Variants in NADK2 observed in about 807,000 individuals in gnomAD.
NADK2 encodes the protein NAD kinase domain-containing protein 1, mitochondrial.
A neutral mutation model predicts 62.1 loss-of-function variants in NADK2; 35 were observed. The ratio of observed to expected loss-of-function variants is 0.56; its 90% confidence interval spans 0.43 to 0.75. NADK2 has a LOEUF of 0.75. NADK2 is among the 30% of genes least tolerant of loss of function. The pLI is 0.00. For synonymous variants in NADK2, 205 were observed against 207.9 expected, an observed-to-expected ratio of 0.99 and a Z score of 0.12; for missense variants, 439 against 561.3, an observed-to-expected ratio of 0.78 and a Z score of 2.20.
intron 3 of NADK2, 66 bp from the exon 4 acceptor site, chr5:36,225,689 T>A: frequency 6.7e-7 from 1 of 1,492,364 alleles, no homozygotes; most frequent in Non-Finnish European, 9.3e-7. Context: ...TTTTTGGCCA[T>A]TTTGAAAATC....
rs756013479 is a variant in NADK2, at chr5:36,227,471, A to G, written c.389+6T>C. 6.1e-6 allele frequency: 9 copies of G among 1,471,508 alleles called. No homozygotes were observed. In the Admixed American group the frequency reaches 1.9e-4, roughly 32 times the overall value. The allele number at this position is 1,471,508 out of a possible 1,614,324, so 91.2% of individuals were successfully genotyped here. A position where few individuals can be genotyped will look rare whatever the true frequency, so the allele number is the denominator to read the frequency against. On this transcript the variant is annotated splice_donor_region_variant and intron_variant, in intron 2 of 11. Coordinates refer to ENST00000381937, the MANE Select transcript of NADK2 (RefSeq NM_001085411.3). ...TCCAACCCAAGACCCAATCCCATAG[A>G]CTTACCGTAAACTATCTATAATATG...
intron 4 of NADK2, among the ~76,000 whole-genome samples, chr5:36,223,640 G>A (rs1209489612): frequency 6.6e-6 from 1 of 152,110 alleles, no homozygotes; most frequent in Non-Finnish European, 1.5e-5. Flanking sequence ...GGTAAGACAA[G>A]GACTAAAATA....
Position 36,241,715 on chromosome 5 carries a change from C to T in NADK2, c.84G>A (p.Ala28=). The change falls in exon 1 of 12, where the codon GCG becomes GCA. Residue 28 remains alanine (A), a synonymous_variant. Transcript: ENST00000381937. This position sits in a 1 kb window ranked among gnomAD's most constrained non-coding sequence, Gnocchi z 4.9. The part of the protein sequence containing the change: ...GRAAALRGPG[A]GGPAARPRLG... ...GCCGGGGCCGCGCGGCGGGGCCTCC[C>T]GCACCCGGTCCCCGCAGCGCCGCCG... The T allele has an allele frequency of 7.7e-6, 9 of 1,161,702 alleles. No homozygotes were observed. The highest frequency in any genetic ancestry group is 9.5e-6 in the Non-Finnish European group (9 of 946,444). 72.0% of individuals were successfully genotyped at this position (1,161,702 alleles called of 1,614,324 possible).
intron 1 of NADK2, among the ~76,000 whole-genome samples, chr5:36,230,336 T>C (rs898887943): frequency 6.6e-5 from 10 of 152,224 alleles, no homozygotes; most frequent in African/African-American, 2.4e-4. Context: ...AACCCTGGGG[T>C]GCCAGGACTG....
rs1041804637 is a variant in NADK2 at position 36,241,186 on chromosome 5, A to C, written c.300+313T>G. Among the ~76,000 whole-genome samples the C allele has an allele frequency of 2.0e-5, 3 of 152,040 alleles. No individual in the cohort carries two copies. Among genetic ancestry groups the C allele is most frequent in the African/African-American group, 7.2e-5 (3 of 41,390 alleles). Reference sequence around the variant, plus strand: ...GCGGCGAGGGCACCAACGAATCCTCAAACCCCTCACTCTGAGGCCACTCGG... The same window carrying C: ...GCGGCGAGGGCACCAACGAATCCTCCAACCCCTCACTCTGAGGCCACTCGG... On this transcript the variant is annotated intron_variant, in intron 1 of 11. Coordinates refer to ENST00000381937, the MANE Select transcript of NADK2 (RefSeq NM_001085411.3). The surrounding 1 kb of genome is among the most constrained non-coding windows in gnomAD (Gnocchi z 4.9).
intron 4 of NADK2, among the ~76,000 whole-genome samples, chr5:36,220,304 T>C (rs910007309): frequency 2.0e-5 from 3 of 152,240 alleles, no homozygotes; most frequent in South Asian, 4.1e-4. Flanking sequence ...CATAGCTTGA[T>C]GTGGAAGACA....
At chr5:36,241,963 C>A, upstream of NADK2, 2 of 471,262 alleles carry the variant, frequency 4.2e-6, no homozygotes, top group Non-Finnish European at 6.1e-6. This position sits in a 1 kb window ranked among gnomAD's most constrained non-coding sequence, Gnocchi z 4.9. Context: ...GGGGACGTAC[C>A]CAGGCGTTGA....
At chr5:36,217,590 GA>G (rs879504625) in intron 6 of NADK2, among the ~76,000 whole-genome samples, 157 bp downstream of exon 6, 2 of 152,102 alleles carry the variant, frequency 1.3e-5, no homozygotes, top group Non-Finnish European at 2.9e-5. Flanking sequence ...ATTTACTTCA[GA>G]TTCTAATAAA....
At chr5:36,204,201 T>C (rs759933913) in intron 8 of NADK2, among the ~76,000 whole-genome samples, 4 of 152,174 alleles carry the variant, frequency 2.6e-5, no homozygotes, top group Non-Finnish European at 2.9e-5. Context: ...ATATAACTGA[T>C]AGCTTGTATT....
At chr5:36,206,375 G>A (rs1330083611) in intron 8 of NADK2, among the ~76,000 whole-genome samples, 2 of 150,788 alleles carry the variant, frequency 1.3e-5, no homozygotes, top group Non-Finnish European at 2.9e-5. Flanking sequence ...TAAAAGGTGA[G>A]GCACAAAGAA....
chr5:36,224,615 A>C (rs1239206539), intron 4 of NADK2, among the ~76,000 whole-genome samples: 3 of 152,122 alleles, frequency 2.0e-5, no homozygotes, highest in African/African-American at 7.2e-5. Context: ...AAGTGAATGA[A>C]GTGAGGAAGA....
intron 6 of NADK2, among the ~76,000 whole-genome samples, chr5:36,215,427 A>G (rs999084869): frequency 9.9e-5 from 15 of 152,194 alleles, no homozygotes; most frequent in African/African-American, 2.7e-4. Context: ...AATATTTGTC[A>G]TTTGTGTTGG....
chr5:36,197,795 C>G, intron 10 of NADK2, 131 bp from the exon 11 acceptor site: 1 of 701,980 alleles, frequency 1.4e-6, no homozygotes, highest in Non-Finnish European at 2.2e-6. Context: ...TTTCTTGAAA[C>G]TCGTAACACA....
At chr5:36,209,846 T>C (rs1746773821) in intron 7 of NADK2, among the ~76,000 whole-genome samples, 7 of 152,162 alleles carry the variant, frequency 4.6e-5, no homozygotes, top group Admixed American at 3.9e-4. Flanking sequence ...ATATTACACA[T>C]AGCACATGCA....
At chr5:36,234,518 C>T (rs965996700) in intron 1 of NADK2, among the ~76,000 whole-genome samples, 3 of 151,628 alleles carry the variant, frequency 2.0e-5, no homozygotes, top group Non-Finnish European at 4.4e-5. Flanking sequence ...TTTTAAAAGA[C>T]ACACATGATG....
intron 8 of NADK2, among the ~76,000 whole-genome samples, chr5:36,206,150 G>A (rs1253905523): frequency 6.6e-6 from 1 of 151,956 alleles, no homozygotes; most frequent in Non-Finnish European, 1.5e-5. Flanking sequence ...TTGTGGGGTG[G>A]GAGACTGTGG....
intron 8 of NADK2, among the ~76,000 whole-genome samples, chr5:36,203,815 T>C (rs1248147722): frequency 2.0e-5 from 3 of 152,242 alleles, no homozygotes; most frequent in African/African-American, 7.2e-5. Context: ...GCAGAAGCAC[T>C]ACTTCACTGG....
At position 36,228,789 on chromosome 5, in the gene NADK2, A is replaced by ATT. The variant is rs34062296; in HGVS notation, c.301-1226_301-1225dup. ...GCACACCACCACAACCAGCTAATTT[A>ATT]TTTTATTTTTTTTTTTGGTAGAAAT... On this transcript the variant is annotated intron_variant, in intron 1 of 11. Coordinates refer to ENST00000381937, the MANE Select transcript of NADK2 (RefSeq NM_001085411.3). Among the ~76,000 whole-genome samples the ATT allele has an allele frequency of 1.0e-3, 132 of 131,914 alleles. 4 individuals are homozygous for ATT. The highest frequency in any genetic ancestry group is 7.4e-3 in the Middle Eastern group (2 of 272). The allele number at this position is 131,914 out of a possible 152,430, so 86.5% of individuals were successfully genotyped here.
intron 6 of NADK2, among the ~76,000 whole-genome samples, chr5:36,214,263 C>T (rs533696272): frequency 6.6e-6 from 1 of 152,244 alleles, no homozygotes; most frequent in East Asian, 1.9e-4. Context: ...CTCACTGCAA[C>T]CTCCACCTCC....
Sources: gnomAD v4.1 joint callset for allele counts (sites outside exome capture counted in the v4.1 genomes callset) on GRCh38, gnomAD v4.1.1 for gene constraint, Gnocchi (gnomAD v3.1) non-coding constraint, MANE v1.5 for transcripts, NCBI Gene and HGNC (gene_info 2026-07-23, HGNC 2026-07-21) for gene names.